Variants in COL11A1 observed in about 807,000 individuals in gnomAD.
The protein encoded by COL11A1 is collagen type XI alpha 1 chain.
In COL11A1, 74 loss-of-function variants were observed where a neutral mutation model predicts 265.2. That is an observed-to-expected ratio of 0.28 (90% CI 0.23 to 0.34). The LOEUF (loss-of-function observed/expected upper bound fraction) is 0.34, where lower values mean the gene tolerates loss of function less well. Ranked by LOEUF, COL11A1 falls within the 10% of genes least tolerant of loss-of-function variation. COL11A1 has a pLI of 1.00. For synonymous variants in COL11A1, 816 were observed against 727.6 expected, an observed-to-expected ratio of 1.12 and a Z score of -1.96; for missense variants, 2,165 against 2,263.6, an observed-to-expected ratio of 0.96 and a Z score of 0.88.
intron 1 of COL11A1, among the ~76,000 whole-genome samples, chr1:103,088,992 A>G (rs1673095146): frequency 2.0e-5 from 3 of 152,158 alleles, no homozygotes; most frequent in African/African-American, 7.2e-5. Flanking sequence ...CCTGACATTT[A>G]TTACTAGAAC....
At position 102,923,379 on chromosome 1, in the gene COL11A1, C is replaced by T; in HGVS notation, c.3611G>A (p.Gly1204Asp). 6.2e-7 allele frequency: 1 copy of T among 1,600,934 alleles called. No individual in the cohort carries two copies. The highest frequency in any genetic ancestry group is 8.5e-7 in the Non-Finnish European group (1 of 1,172,530). ...PGPIGLQGLP[G>D]PPGEKGENGD... ...ATTTTCACCTTTTTCACCAGGTGGG[C>T]CTGGCAGACCCTAAGAAAATATAAT... The change falls in exon 47 of 67, where the codon GGC becomes GAC. Residue 1204 changes from glycine (G) to aspartate (D), a missense_variant. Gly to Asp is a moderately conservative substitution (Grantham distance 94). Coordinates refer to ENST00000370096, the MANE Select transcript of COL11A1 (RefSeq NM_001854.4).
chr1:102,877,977 A>G lies in COL11A1; in HGVS notation c.*42T>C, dbSNP rs1214077697. 4.4e-6 allele frequency: 7 copies of G among 1,608,772 alleles called. No homozygotes were observed. In the Admixed American group the frequency reaches 8.3e-5, roughly 19 times the overall value. The stretch of plus-strand genomic sequence containing the variant: ...GGCACAAAATGGGTTGGTGGCACCA[A>G]GGTATATTTTCTGTTGATTTGATAT... On this transcript the variant is annotated 3_prime_UTR_variant, in exon 67 of 67. Transcript: ENST00000370096.
intron 66 of COL11A1, among the ~76,000 whole-genome samples, chr1:102,878,475 C>CATATATATATACATAT (rs1553191038): frequency 2.0e-5 from 1 of 49,862 alleles, no homozygotes; most frequent in Non-Finnish European, 4.4e-5. Flanking sequence ...ATTGAATCCT[C>CATATATATATACATAT]ATATATATAT....
At chr1:103,105,371 A>G (rs1254926051) in intron 1 of COL11A1, among the ~76,000 whole-genome samples, 2 of 152,144 alleles carry the variant, frequency 1.3e-5, no homozygotes, top group South Asian at 2.1e-4. Context: ...CACAGCAAGG[A>G]TTGATTTTTA....
intron 54 of COL11A1, among the ~76,000 whole-genome samples, chr1:102,909,575 A>C (rs571094324): frequency 3.3e-5 from 5 of 152,074 alleles, no homozygotes; most frequent in African/African-American, 1.2e-4. Context: ...ATGAAAATGC[A>C]TCCTTCATTA....
intron 35 of COL11A1, 90 bp downstream of exon 35, chr1:102,978,618 T>TATTA: frequency 7.4e-7 from 1 of 1,353,854 alleles, no homozygotes; most frequent in Non-Finnish European, 1.1e-6. Flanking sequence ...CATGCACATG[T>TATTA]ATTAGCAGAC....
chr1:102,938,373 C>T (rs1161530924), intron 44 of COL11A1, among the ~76,000 whole-genome samples: 1 of 111,054 alleles, frequency 9.0e-6, no homozygotes, highest in Non-Finnish European at 2.0e-5. Context: ...TACATGAACA[C>T]TTAAAGGGAA....
intron 41 of COL11A1, among the ~76,000 whole-genome samples, chr1:102,948,536 A>G (rs1255512092): frequency 6.6e-6 from 1 of 151,966 alleles, no homozygotes; most frequent in Non-Finnish European, 1.5e-5. Context: ...TGAGCTTTAT[A>G]TAAACAAAAG....
In COL11A1 at chr1:103,078,710, G is replaced by A; in HGVS notation, c.436C>T (p.Pro146Ser). ...VFLFEDHTGK[P>S]APEDYPLFRT... ...AAGAGGGGATAGTCTTCTGGGGCAG[G>A]TTTTCCAGTGTGGTCTTCAAACAGA... The change falls in exon 3 of 67, where the codon CCT (proline) becomes TCT (serine). Residue 146 changes from proline (P) to serine (S), a missense_variant. By Grantham distance (74) the Pro-to-Ser change is moderately conservative. Transcript: ENST00000370096. 6.2e-7 allele frequency: 1 copy of A among 1,613,414 alleles called. No homozygotes were observed. Among genetic ancestry groups the A allele is most frequent in the Non-Finnish European group, 8.5e-7 (1 of 1,179,614 alleles).
intron 37 of COL11A1, 149 bp downstream of exon 37, chr1:102,970,068 ATG>A (rs745455988): frequency 0.016 from 6,281 of 396,896 alleles, 363 homozygotes; most frequent in Middle Eastern, 0.028. Flanking sequence ...TTATATATAT[ATG>A]TATATTTCAA....
At chr1:102,980,673 C>G (rs2101691360) in intron 31 of COL11A1, among the ~76,000 whole-genome samples, 1 of 152,222 alleles carries the variant, frequency 6.6e-6, no homozygotes, top group East Asian at 1.9e-4. Context: ...AATCCACTCA[C>G]TTGCATTGAA....
chr1:102,886,667 T>C, intron 63 of COL11A1, 140 bp downstream of exon 63: 2 of 1,224,862 alleles, frequency 1.6e-6, no homozygotes, highest in South Asian at 1.3e-5. Flanking sequence ...AATGATTTTT[T>C]CTGTCTAGAA....
intron 7 of COL11A1, among the ~76,000 whole-genome samples, chr1:103,024,066 T>A (rs1667325529): frequency 1.3e-5 from 2 of 152,186 alleles, no homozygotes; most frequent in South Asian, 4.1e-4. Context: ...GAATCCGACT[T>A]ATCATGTGAA....
At chr1:102,934,692 C>T in intron 45 of COL11A1, 136 bp from the exon 46 acceptor site, 2 of 719,316 alleles carry the variant, frequency 2.8e-6, no homozygotes, top group South Asian at 3.3e-5. Context: ...GACTGAATGC[C>T]CATTATCTGC....
intron 46 of COL11A1, among the ~76,000 whole-genome samples, chr1:102,927,745 G>C (rs1452824896): frequency 6.6e-6 from 1 of 152,106 alleles, no homozygotes; most frequent in African/African-American, 2.4e-5. Context: ...AGAGGCTGTA[G>C]TGTTCTACAA....
chr1:102,928,751 C>G (rs942076304), intron 46 of COL11A1, among the ~76,000 whole-genome samples: 1 of 142,876 alleles, frequency 7.0e-6, no homozygotes, highest in Non-Finnish European at 1.5e-5. Flanking sequence ...TCCTCTCCAG[C>G]ACCTGTTGTT....
chr1:102,959,297 T>A (rs1660660530), intron 41 of COL11A1, among the ~76,000 whole-genome samples: 1 of 152,194 alleles, frequency 6.6e-6, no homozygotes, highest in Non-Finnish European at 1.5e-5. Context: ...GCAGAGTGCT[T>A]AGATGCTAGC....
At chr1:102,950,942 C>T (rs1659815274) in intron 41 of COL11A1, among the ~76,000 whole-genome samples, 1 of 152,230 alleles carries the variant, frequency 6.6e-6, no homozygotes, top group South Asian at 2.1e-4. Flanking sequence ...GGGGCTCTTC[C>T]CCCTTTGCTA....
chr1:103,097,894 A>G (rs1673912007), intron 1 of COL11A1, among the ~76,000 whole-genome samples: 1 of 151,994 alleles, frequency 6.6e-6, no homozygotes, highest in East Asian at 1.9e-4. Context: ...TTTAACTTTT[A>G]CAGTTATTGA....
Sources: allele counts gnomAD v4.1 joint callset (sites outside exome capture counted in the v4.1 genomes callset), GRCh38; gene constraint gnomAD v4.1.1; transcripts MANE v1.5; gene names NCBI Gene and HGNC (gene_info 2026-07-23, HGNC 2026-07-21).